Variants in CNNM2 observed in about 807,000 individuals in gnomAD.
The protein encoded by CNNM2 is cyclin and CBS domain divalent metal cation transport mediator 2.
In CNNM2, 12 loss-of-function variants were observed where a neutral mutation model predicts 66.9. That is an observed-to-expected ratio of 0.18 (90% CI 0.11 to 0.29). The LOEUF (loss-of-function observed/expected upper bound fraction) is 0.29. CNNM2 is among the 10% of genes least tolerant of loss of function. The pLI is 1.00. For missense variants in CNNM2, 705 were observed against 1,167.7 expected (o/e 0.60, Z 5.77); for synonymous variants, 557 against 501.8 (o/e 1.11, Z -1.47).
chr10:102,976,425 C>CTT lies in CNNM2; in HGVS notation c.1621+56349_1621+56350dup, dbSNP rs1206577839. ...TTACAGTATCAGTTCCAATTCTTGC[C>CTT]TTTTTTTTTTTTTTTTTTTTTTTTT... On this transcript the variant is annotated intron_variant, in intron 1 of 7. Coordinates refer to ENST00000369878, the MANE Select transcript of CNNM2 (RefSeq NM_017649.5). 6.6e-4 allele frequency among the ~76,000 whole-genome samples: 23 copies of CTT among 34,716 alleles called. 6 individuals are homozygous for CTT. Among genetic ancestry groups the CTT allele is most frequent in the East Asian group, 8.7e-4 (1 of 1,148 alleles). The allele number at this position is 34,716 out of a possible 152,430, so 22.8% of individuals were successfully genotyped here. A position where few individuals can be genotyped will look rare whatever the true frequency, so the allele number is the denominator to read the frequency against.
intron 1 of CNNM2, among the ~76,000 whole-genome samples, chr10:103,035,795 T>C (rs1407188053): frequency 6.6e-6 from 1 of 152,206 alleles, no homozygotes; most frequent in Non-Finnish European, 1.5e-5. Context: ...GCTGGAGGGC[T>C]GTCTTTGATA....
intron 1 of CNNM2, among the ~76,000 whole-genome samples, chr10:103,000,419 C>G (rs2064096286): frequency 6.6e-6 from 1 of 151,692 alleles, no homozygotes; most frequent in South Asian, 2.1e-4. Context: ...TATTTGTACA[C>G]CCCTTTGATT....
chr10:102,966,633 A>G lies in CNNM2; in HGVS notation c.1621+46532A>G, dbSNP rs2063469023. Among the ~76,000 whole-genome samples the G allele has an allele frequency of 2.0e-5, 3 of 152,338 alleles. No homozygotes were observed. In the Middle Eastern group the frequency reaches 0.01, roughly 518 times the overall value. ...CAGAGCGTGGACTCCATCCCAACCT[A>G]AAAGGATCTTGTTTAAATGGTGCCT... On this transcript the variant is annotated intron_variant, in intron 1 of 7. Coordinates refer to ENST00000369878, the MANE Select transcript of CNNM2 (RefSeq NM_017649.5).
chr10:102,933,092 C>G (rs2099926215), intron 1 of CNNM2, among the ~76,000 whole-genome samples: 1 of 152,092 alleles, frequency 6.6e-6, no homozygotes, highest in African/African-American at 2.4e-5. Context: ...TCTTCCTTGT[C>G]AAGATTGTTT....
At position 103,085,275 on chromosome 10, in the gene CNNM2, G is replaced by A. The variant is rs1004899142; in HGVS notation, c.*8095G>A. 6.6e-6 allele frequency: 1 copy of A among 152,136 alleles called. No homozygotes were observed. The highest frequency in any genetic ancestry group is 1.5e-5 in the Non-Finnish European group (1 of 68,028). The allele number at this position is 152,136 out of a possible 1,614,324, so 9.4% of individuals were successfully genotyped here. A position where few individuals can be genotyped will look rare whatever the true frequency, so the allele number is the denominator to read the frequency against. ...CAGTTCTACTAAGTCATTGACTTGA[G>A]GTCAGTGGGTCCAAAAAGTGACTTG... On this transcript the variant is annotated 3_prime_UTR_variant, in exon 8 of 8. Coordinates refer to ENST00000369878, the MANE Select transcript of CNNM2 (RefSeq NM_017649.5).
intron 1 of CNNM2, among the ~76,000 whole-genome samples, chr10:103,001,927 C>G (rs1022152417): frequency 1.3e-5 from 2 of 152,116 alleles, no homozygotes; most frequent in Non-Finnish European, 2.9e-5. Flanking sequence ...AATCGGGAGG[C>G]AGAGGTTGCA....
chr10:103,019,880 T>G lies in CNNM2; in HGVS notation c.1622-29827T>G, dbSNP rs138196544. Reference sequence around the variant, plus strand: ...TCAAGACTTAAGTGAAAGAGGTAATTATTGTGAAAAAAATATGTAAGACAC... The same window carrying G: ...TCAAGACTTAAGTGAAAGAGGTAATGATTGTGAAAAAAATATGTAAGACAC... On this transcript the variant is annotated intron_variant, in intron 1 of 7. Transcript: ENST00000369878. Among the ~76,000 whole-genome samples, 1,439 of 152,234 alleles carry G rather than the reference T, an allele frequency of 9.5e-3. 12 individuals carry two copies. Among genetic ancestry groups the G allele is most frequent in the Middle Eastern group, 0.048 (14 of 294 alleles).
In CNNM2 at chr10:102,990,590, A is replaced by C. The variant is rs147160658; in HGVS notation, c.1622-59117A>C. Among the ~76,000 whole-genome samples, 50 of 152,308 alleles carry C rather than the reference A, an allele frequency of 3.3e-4. 1 individual carries two copies. In the East Asian group the frequency reaches 9.6e-3, roughly 29 times the overall value. On this transcript the variant is annotated intron_variant, in intron 1 of 7. Transcript: ENST00000369878. The stretch of plus-strand genomic sequence containing the variant: ...ACTTTAAGCTATAGCAATGGCTCTA[A>C]GTCTTCATGTGTACAAAGTTCTTGG...
At chr10:102,934,310 T>C (rs1846159905) in intron 1 of CNNM2, among the ~76,000 whole-genome samples, 1 of 149,438 alleles carries the variant, frequency 6.7e-6, no homozygotes, top group African/African-American at 2.5e-5. Context: ...AGCCTTGCTC[T>C]GTCGCCCAGG....
At chr10:102,942,691 T>C (rs1846471985) in intron 1 of CNNM2, among the ~76,000 whole-genome samples, 1 of 152,226 alleles carries the variant, frequency 6.6e-6, no homozygotes, top group Non-Finnish European at 1.5e-5. Context: ...GTGGAATTGC[T>C]AGGTCATATA....
chr10:103,022,018 G>C (rs2064592244), intron 1 of CNNM2, among the ~76,000 whole-genome samples: 1 of 152,188 alleles, frequency 6.6e-6, no homozygotes, highest in Non-Finnish European at 1.5e-5. Flanking sequence ...TTTGATGAAT[G>C]TGTTTAAGTG....
intron 1 of CNNM2, among the ~76,000 whole-genome samples, chr10:102,979,076 C>A (rs2063681667): frequency 6.6e-6 from 1 of 152,268 alleles, no homozygotes; most frequent in African/African-American, 2.4e-5. Context: ...TTGAATCATG[C>A]TGCTTGGACA....
chr10:103,089,872 C>G lies in CNNM2; in HGVS notation c.*12692C>G, dbSNP rs1294497468. On this transcript the variant is annotated 3_prime_UTR_variant, in exon 8 of 8. Coordinates refer to ENST00000369878, the MANE Select transcript of CNNM2 (RefSeq NM_017649.5). ...AGAGGAGACTCCATCTCATTGATAT[C>G]TACGTGTGTGTGCTCCACCGTTGAT... 6.2e-7 allele frequency: 1 copy of G among 1,612,988 alleles called. No homozygotes were observed. The highest frequency in any genetic ancestry group is 8.5e-7 in the Non-Finnish European group (1 of 1,179,392).
chr10:102,925,973 T>G (rs1845845278), intron 1 of CNNM2, among the ~76,000 whole-genome samples: 1 of 152,192 alleles, frequency 6.6e-6, no homozygotes, highest in Non-Finnish European at 1.5e-5. Context: ...CTTAGCTTAT[T>G]TTGGATATCC....
Position 102,984,147 on chromosome 10 carries a change from T to C in CNNM2, c.1621+64046T>C, listed in dbSNP as rs1331056113. Among the ~76,000 whole-genome samples, 6 of 152,352 alleles carry C rather than the reference T, an allele frequency of 3.9e-5. No homozygotes were observed. The East Asian group carries it at 1.2e-3, about 29-fold the overall frequency. On this transcript the variant is annotated intron_variant, in intron 1 of 7. Transcript: ENST00000369878. ...GTTAATAAATGAATGCATGTAGTTATGGATGAAGATTACGTGAATAAAGAC... is the reference window on the plus strand; with the variant it reads ...GTTAATAAATGAATGCATGTAGTTACGGATGAAGATTACGTGAATAAAGAC...
chr10:102,968,135 T>C (rs1359423006), intron 1 of CNNM2, among the ~76,000 whole-genome samples: 1 of 152,246 alleles, frequency 6.6e-6, no homozygotes, highest in Non-Finnish European at 1.5e-5. Context: ...ATTTTACTTT[T>C]CAAGAAGCTG....
intron 1 of CNNM2, among the ~76,000 whole-genome samples, chr10:103,005,641 C>A (rs1564841833): frequency 6.6e-6 from 1 of 152,216 alleles, no homozygotes. Context: ...AAGAGCGAAA[C>A]TCCGTCTCTC....
At chr10:103,044,400 T>G (rs1176607502) in intron 1 of CNNM2, among the ~76,000 whole-genome samples, 2 of 151,806 alleles carry the variant, frequency 1.3e-5, no homozygotes, top group African/African-American at 2.4e-5. Context: ...AACAAAAAAT[T>G]TAAAAATTAG....
intron 1 of CNNM2, chr10:102,921,162 A>G: frequency 2.1e-6 from 1 of 487,214 alleles, no homozygotes; most frequent in Non-Finnish European, 2.7e-6. Flanking sequence ...GAATGTTTCC[A>G]GTAAATAGTG....
Sources: gnomAD v4.1 joint callset for allele counts (sites outside exome capture counted in the v4.1 genomes callset) on GRCh38, gnomAD v4.1.1 for gene constraint, MANE v1.5 for transcripts, NCBI Gene and HGNC (gene_info 2026-07-23, HGNC 2026-07-21) for gene names.